ADAMTS14: variants seen among roughly 807,000 people sequenced by gnomAD.
ADAMTS14 encodes ADAM metallopeptidase with thrombospondin type 1 motif 14.
ADAMTS14 carries 100 observed loss-of-function variants against 128.6 expected under a neutral mutation model. The ratio of observed to expected loss-of-function variants is 0.78; its 90% CI spans 0.66 to 0.92. The LOEUF is 0.92. Among genes scored for constraint, ADAMTS14 ranks in the 40% least tolerant of loss-of-function variants. ADAMTS14 has a pLI of 0.00. For missense variants in ADAMTS14, 1,562 were observed against 1,658.6 expected, an observed-to-expected ratio of 0.94 and a Z score of 1.01; for synonymous variants, 665 against 653.8, an observed-to-expected ratio of 1.02 and a Z score of -0.26.
At chr10:70,687,182 G>A (rs1839994209) in intron 2 of ADAMTS14, among the ~76,000 whole-genome samples, 2 of 108,568 alleles carry the variant, frequency 1.8e-5, no homozygotes, top group Non-Finnish European at 4.2e-5. Context: ...GGCCGGGCAG[G>A]GGGGCTGACC....
chr10:70,748,570 C>T (rs1332539495), intron 15 of ADAMTS14, among the ~76,000 whole-genome samples: 1 of 152,228 alleles, frequency 6.6e-6, no homozygotes, highest in East Asian at 1.9e-4. Context: ...TCTCTGGGTG[C>T]CTGGGCTCTG....
At chr10:70,733,388 G>A (rs190985944) in intron 7 of ADAMTS14, among the ~76,000 whole-genome samples, 23 of 152,364 alleles carry the variant, frequency 1.5e-4, no homozygotes, top group Non-Finnish European at 2.6e-4. Flanking sequence ...CAGAGTCTTG[G>A]AGAGGCTCAA....
intron 3 of ADAMTS14, among the ~76,000 whole-genome samples, chr10:70,705,946 G>A (rs1840651890): frequency 1.3e-5 from 2 of 152,228 alleles, no homozygotes; most frequent in African/African-American, 4.8e-5. Context: ...TACATACTTA[G>A]CAGTGGAATT....
intron 6 of ADAMTS14, among the ~76,000 whole-genome samples, chr10:70,731,758 G>A (rs1452643616): frequency 6.6e-6 from 1 of 152,116 alleles, no homozygotes; most frequent in Non-Finnish European, 1.5e-5. Context: ...AGCCTTTCTG[G>A]CCCATGCCTC....
intron 6 of ADAMTS14, among the ~76,000 whole-genome samples, chr10:70,731,915 G>T (rs967122740): frequency 1.3e-5 from 2 of 152,180 alleles, no homozygotes; most frequent in Non-Finnish European, 2.9e-5. Context: ...CTCCTGCATA[G>T]AAAGTGTTCG....
chr10:70,685,009 C>T (rs1223083682), intron 2 of ADAMTS14, among the ~76,000 whole-genome samples: 3 of 152,262 alleles, frequency 2.0e-5, no homozygotes, highest in African/African-American at 4.8e-5. Context: ...CACCTCACTG[C>T]GGCTCCTCCG....
intron 1 of ADAMTS14, 147 bp downstream of exon 1, chr10:70,673,031 C>T: frequency 8.4e-7 from 1 of 1,193,212 alleles, no homozygotes; most frequent in Non-Finnish European, 1.1e-6. Flanking sequence ...TCTTTTCTTC[C>T]ACTGTGCCAC....
chr10:70,758,776 C>G (rs1842538068), intron 21 of ADAMTS14, among the ~76,000 whole-genome samples: 1 of 152,196 alleles, frequency 6.6e-6, no homozygotes, highest in Admixed American at 6.5e-5. Flanking sequence ...GCACTCCTGT[C>G]TGGCTGTCAG....
chr10:70,736,841 A>G (rs1841844736), intron 10 of ADAMTS14, 48 bp downstream of exon 10: 1 of 1,544,924 alleles, frequency 6.5e-7, no homozygotes, highest in Non-Finnish European at 8.9e-7. Context: ...GGTGCAGGGC[A>G]TCCATCACTG....
At chr10:70,745,060 A>G (rs565402528) in intron 14 of ADAMTS14, among the ~76,000 whole-genome samples, 166 bp from the exon 15 acceptor site, 3 of 152,338 alleles carry the variant, frequency 2.0e-5, no homozygotes, top group African/African-American at 7.2e-5. Flanking sequence ...CAGCACCCTC[A>G]TGGAGAAGGT....
intron 8 of ADAMTS14, among the ~76,000 whole-genome samples, 191 bp downstream of exon 8, chr10:70,734,219 C>G (rs568867354): frequency 5.9e-5 from 9 of 152,304 alleles, no homozygotes; most frequent in South Asian, 4.1e-4. Context: ...TCTAGTGTTT[C>G]AGAACGTGTT....
At chr10:70,690,605 G>A (rs2132563355) in intron 2 of ADAMTS14, among the ~76,000 whole-genome samples, 1 of 145,306 alleles carries the variant, frequency 6.9e-6, no homozygotes, top group East Asian at 1.9e-4. Context: ...TGGGAGGCAT[G>A]GTTTAAAACT....
At chr10:70,720,312 AAGTCGGGAGACTC>A (rs1372328096) in intron 4 of ADAMTS14, among the ~76,000 whole-genome samples, 1 of 152,196 alleles carries the variant, frequency 6.6e-6, no homozygotes, top group Non-Finnish European at 1.5e-5. Flanking sequence ...GCTGAGAAAG[AAGTCGGGAGACTC>A]AGCACTTTCC....
chr10:70,743,405 T>A (rs374847018), intron 12 of ADAMTS14, 143 bp from the exon 13 acceptor site: 4 of 953,118 alleles, frequency 4.2e-6, no homozygotes, highest in East Asian at 6.4e-5. Context: ...CAGCAGGGAT[T>A]TTCAGCCCCC....
intron 7 of ADAMTS14, among the ~76,000 whole-genome samples, chr10:70,733,106 T>C (rs1841703148): frequency 6.6e-6 from 1 of 152,106 alleles, no homozygotes; most frequent in Non-Finnish European, 1.5e-5. Context: ...GCTCTGCTCC[T>C]CCAGGCAGGT....
chr10:70,749,610 T>A (rs1177745721), intron 15 of ADAMTS14, among the ~76,000 whole-genome samples: 2 of 30,718 alleles, frequency 6.5e-5, no homozygotes, highest in Admixed American at 2.6e-4. Flanking sequence ...GCAGCAAGAG[T>A]GTGTGTGTGT....
At chr10:70,735,485 C>T (rs539763702) in intron 9 of ADAMTS14, among the ~76,000 whole-genome samples, 184 bp downstream of exon 9, 55 of 152,298 alleles carry the variant, frequency 3.6e-4, no homozygotes, top group Non-Finnish European at 6.8e-4. Context: ...GGCAGGTGGA[C>T]ACAGTGGCTT....
Position 70,702,875 on chromosome 10 carries a change from G to A in ADAMTS14, c.679+407G>A, listed in dbSNP as rs557720469. 2.6e-5 allele frequency among the ~76,000 whole-genome samples: 4 copies of A among 152,290 alleles called. No homozygotes were observed. The East Asian group carries it at 7.7e-4, about 29-fold the overall frequency. ...CCTGCAGGGAGGCTGCCTGGTGTCTGGGCGTCATGGTCAGCTTTGTGTCCC... is the reference window on the plus strand; with the variant it reads ...CCTGCAGGGAGGCTGCCTGGTGTCTAGGCGTCATGGTCAGCTTTGTGTCCC... On this transcript the variant is annotated intron_variant, in intron 3 of 21. Transcript: ENST00000373207.
intron 18 of ADAMTS14, among the ~76,000 whole-genome samples, chr10:70,753,254 A>C (rs951568946): frequency 5.9e-5 from 9 of 152,184 alleles, no homozygotes; most frequent in Admixed American, 3.3e-4. Flanking sequence ...ATGCTGTTGG[A>C]AGTTGCTCAG....
Sources: gnomAD v4.1 joint callset for allele counts (sites outside exome capture counted in the v4.1 genomes callset) on GRCh38, gnomAD v4.1.1 for gene constraint, MANE v1.5 for transcripts, NCBI Gene and HGNC (gene_info 2026-07-23, HGNC 2026-07-21) for gene names.